TANC2: variants seen among roughly 807,000 people sequenced by gnomAD.
TANC2 encodes the protein protein TANC2.
A neutral mutation model predicts 210.5 loss-of-function variants in TANC2; 26 were observed. The ratio of observed to expected loss-of-function variants is 0.12; its 90% CI spans 0.09 to 0.17. The LOEUF (loss-of-function observed/expected upper bound fraction) is 0.17, where lower values mean the gene tolerates loss of function less well. TANC2 is among the 10% of genes least tolerant of loss of function. The pLI is 1.00. For missense variants in TANC2, 2,129 were observed against 2,608.9 expected, an observed-to-expected ratio of 0.82 and a Z score of 4.01; for synonymous variants, 931 against 967.1, an observed-to-expected ratio of 0.96 and a Z score of 0.69.
intron 5 of TANC2, among the ~76,000 whole-genome samples, chr17:63,184,635 A>C (rs2040910870): frequency 6.6e-6 from 1 of 151,878 alleles, no homozygotes; most frequent in Non-Finnish European, 1.5e-5. Context: ...TTATATAAAT[A>C]AAATCATTTA....
intron 7 of TANC2, among the ~76,000 whole-genome samples, chr17:63,214,751 A>G (rs2041978971): frequency 6.6e-6 from 1 of 152,216 alleles, no homozygotes; most frequent in Middle Eastern, 3.2e-3. Flanking sequence ...AAGTTTCAAC[A>G]CATGAATTTG....
exon 2 of TANC2, chr17:63,009,606 G>T: frequency 1.2e-6 from 2 of 1,612,994 alleles, no homozygotes; most frequent in Non-Finnish European, 1.7e-6. Flanking sequence ...GGGAAATCAA[G>T]TCGTAAAAAC....
At chr17:63,150,539 T>A (rs1017268674) in intron 4 of TANC2, 1 of 152,204 alleles carries the variant, frequency 6.6e-6, no homozygotes, top group Non-Finnish European at 1.5e-5. Context: ...GCATGAGATA[T>A]TAATATTCCA....
rs199734433 is a variant in TANC2 at position 63,420,769 on chromosome 17, T to G, written c.5039T>G (p.Val1680Gly). The G allele has an allele frequency of 1.4e-5, 22 of 1,613,890 alleles. No individual in the cohort carries two copies. The highest frequency in any genetic ancestry group is 2.7e-5 in the African/African-American group (2 of 74,924). Residue 1680 changes from valine (V) to glycine (G), a missense_variant, in exon 28 of 28, where the codon GTG (valine) becomes GGG (glycine). Val to Gly is a moderately radical substitution (Grantham distance 109). Coordinates refer to ENST00000689528, the Ensembl canonical transcript of TANC2. This position sits in a 1 kb window ranked among gnomAD's most constrained non-coding sequence, Gnocchi z 4.2. ...CCCTACCAGATGCCTCAGCTCCCTG[T>G]GGCAGTTCCCCAGCAAGGGCTCAGG...
At chr17:63,246,039 G>A (rs1320313170) in intron 8 of TANC2, among the ~76,000 whole-genome samples, 1 of 151,566 alleles carries the variant, frequency 6.6e-6, no homozygotes, top group African/African-American at 2.4e-5. Context: ...TATGTATGTA[G>A]GCCTGTTGTC....
At chr17:63,170,762 T>C (rs1261483252) in intron 5 of TANC2, among the ~76,000 whole-genome samples, 1 of 152,198 alleles carries the variant, frequency 6.6e-6, no homozygotes, top group East Asian at 1.9e-4. Context: ...TGATTACTTG[T>C]AATACAAAGA....
At chr17:63,259,645 A>G (rs1394939254) in intron 8 of TANC2, among the ~76,000 whole-genome samples, 1 of 152,170 alleles carries the variant, frequency 6.6e-6, no homozygotes, top group African/African-American at 2.4e-5. Flanking sequence ...ATGTCAAACC[A>G]TTTTAATGTG....
chr17:63,421,339 G>T lies in TANC2; in HGVS notation c.5609G>T (p.Ser1870Ile). The change falls in exon 28 of 28, where the codon AGC becomes ATC. Residue 1870 changes from serine (S) to isoleucine (I), a missense_variant. By Grantham distance (142) the Ser-to-Ile change is moderately radical. Coordinates refer to ENST00000689528, the Ensembl canonical transcript of TANC2. This position sits in a 1 kb window ranked among gnomAD's most constrained non-coding sequence, Gnocchi z 6.9. ...GTAGGCCTTCGCTTCTCTCCATCTA[G>T]CAATAGTATCTCCTCCACCTCCAAC... is the stretch of plus-strand genomic sequence containing the variant. 1 of 1,614,024 alleles carries T rather than the reference G, an allele frequency of 6.2e-7. No individual in the cohort carries two copies. The highest frequency in any genetic ancestry group is 1.1e-5 in the South Asian group (1 of 91,086).
chr17:63,319,003 C>T, exon 11 of TANC2: 1 of 1,613,566 alleles, frequency 6.2e-7, no homozygotes, highest in Non-Finnish European at 8.5e-7. Flanking sequence ...CACCTTCAGC[C>T]CACTCATCTA....
chr17:63,167,442 ATTTTC>A (rs1262932532), intron 5 of TANC2, among the ~76,000 whole-genome samples: 5 of 151,870 alleles, frequency 3.3e-5, no homozygotes, highest in African/African-American at 4.8e-5. Flanking sequence ...AGTGAATGTT[ATTTTC>A]TTTTGTTTTC....
chr17:63,280,480 G>A (rs1484535504), intron 9 of TANC2, among the ~76,000 whole-genome samples: 2 of 152,036 alleles, frequency 1.3e-5, no homozygotes, highest in Non-Finnish European at 2.9e-5. Context: ...TCTGCTAATA[G>A]TGAAGGTTGA....
intron 2 of TANC2, 87 bp downstream of exon 2, chr17:63,009,713 T>C (rs1351084593): frequency 2.7e-6 from 3 of 1,096,856 alleles, no homozygotes; most frequent in South Asian, 1.4e-5. Context: ...TAACACTTTA[T>C]TAATGCTTAA....
intron 9 of TANC2, among the ~76,000 whole-genome samples, chr17:63,282,856 T>C (rs2044101766): frequency 6.6e-6 from 1 of 152,076 alleles, no homozygotes; most frequent in African/African-American, 2.4e-5. Flanking sequence ...TTTATCTAGT[T>C]TGGATGCACG....
At chr17:63,373,807 C>A (rs1425034537) in intron 14 of TANC2, among the ~76,000 whole-genome samples, 2 of 152,004 alleles carry the variant, frequency 1.3e-5, no homozygotes, top group African/African-American at 4.8e-5. Flanking sequence ...ATGGTAAAAC[C>A]CCATCTCTAC....
chr17:63,034,647 G>A (rs1568333354), intron 2 of TANC2, among the ~76,000 whole-genome samples: 1 of 152,164 alleles, frequency 6.6e-6, no homozygotes, highest in Non-Finnish European at 1.5e-5. Flanking sequence ...ATGGGAGGAG[G>A]TCAAAATGTC....
At chr17:63,056,014 T>A (rs2035790189) in intron 2 of TANC2, among the ~76,000 whole-genome samples, 2 of 87,320 alleles carry the variant, frequency 2.3e-5, no homozygotes, top group Admixed American at 1.3e-4. Flanking sequence ...TATATATATA[T>A]ATATATATAT....
intron 2 of TANC2, among the ~76,000 whole-genome samples, chr17:63,037,723 A>C (rs977655454): frequency 5.9e-5 from 9 of 152,150 alleles, no homozygotes; most frequent in African/African-American, 2.2e-4. Context: ...CTGAGGCAGG[A>C]GAATCACTTG....
intron 5 of TANC2, among the ~76,000 whole-genome samples, chr17:63,161,141 C>A (rs1197960225): frequency 6.6e-6 from 1 of 152,082 alleles, no homozygotes; most frequent in Non-Finnish European, 1.5e-5. Context: ...TTCTTCATAA[C>A]CATTGTGAAA....
chr17:63,345,136 T>C (rs1025474137), intron 12 of TANC2, among the ~76,000 whole-genome samples: 14 of 152,060 alleles, frequency 9.2e-5, no homozygotes, highest in Non-Finnish European at 1.9e-4. Flanking sequence ...ATAAGTAGAA[T>C]AAATACGATT....
Sources: gnomAD v4.1 joint callset for allele counts (sites outside exome capture counted in the v4.1 genomes callset) on GRCh38, gnomAD v4.1.1 for gene constraint, Gnocchi (gnomAD v3.1) non-coding constraint, MANE v1.5 for transcripts, NCBI Gene and HGNC (gene_info 2026-07-23, HGNC 2026-07-21) for gene names.